Variants in ARHGEF26 observed in about 807,000 individuals in gnomAD.
ARHGEF26 encodes Rho guanine nucleotide exchange factor 26, also known as Rho guanine nucleotide exchange factor (GEF) 26.
A neutral mutation model predicts 89.4 loss-of-function variants in ARHGEF26; 59 were observed. The ratio of observed to expected loss-of-function variants is 0.66; its 90% CI spans 0.54 to 0.82. The LOEUF is 0.82. Ranked by LOEUF, ARHGEF26 falls within the 40% of genes least tolerant of loss-of-function variation. The pLI is 0.00. For missense variants in ARHGEF26, 1,234 were observed against 1,085.6 expected (o/e 1.14, Z -1.92); for synonymous variants, 500 against 428.4 (o/e 1.17, Z -2.06).
chr3:154,226,018 T>A lies in ARHGEF26; in HGVS notation c.2090+8T>A. The A allele has an allele frequency of 6.2e-7, 1 of 1,606,450 alleles. No individual in the cohort carries two copies. Reference sequence around the variant, plus strand: ...TATCACCAAGAAGAAGAGGTAAGTCTTTATCTGGTGTTGCTGACTAGACAT... The same window carrying A: ...TATCACCAAGAAGAAGAGGTAAGTCATTATCTGGTGTTGCTGACTAGACAT... On this transcript the variant is annotated splice_region_variant and intron_variant, in intron 11 of 14. Coordinates refer to ENST00000465093, the MANE Select transcript of ARHGEF26 (RefSeq NM_015595.4).
chr3:154,193,058 C>G (rs1185429514), intron 8 of ARHGEF26, among the ~76,000 whole-genome samples: 2 of 151,920 alleles, frequency 1.3e-5, no homozygotes, highest in Non-Finnish European at 2.9e-5. Flanking sequence ...CACAGACCCC[C>G]CCTTGAGATT....
At chr3:154,242,926 G>A (rs1717562491) in intron 12 of ARHGEF26, among the ~76,000 whole-genome samples, 1 of 152,122 alleles carries the variant, frequency 6.6e-6, no homozygotes, top group African/African-American at 2.4e-5. Context: ...AAGCGCTGAT[G>A]GCATTCCAAG....
intron 6 of ARHGEF26, among the ~76,000 whole-genome samples, chr3:154,154,057 C>T (rs1271811093): frequency 1.3e-5 from 2 of 151,978 alleles, no homozygotes; most frequent in African/African-American, 2.4e-5. Flanking sequence ...TCTAATTTAT[C>T]GTTCTTTATT....
chr3:154,129,633 G>C lies in ARHGEF26; in HGVS notation c.1183G>C (p.Glu395Gln), dbSNP rs1718555630. The C allele has an allele frequency of 6.2e-7, 1 of 1,611,790 alleles. No individual in the cohort carries two copies. The highest frequency in any genetic ancestry group is 8.5e-7 in the Non-Finnish European group (1 of 1,178,872). Residue 395 changes from glutamate to glutamine, a missense_variant, in exon 4 of 15, where the codon GAG (glutamate) becomes CAG (glutamine). By Grantham distance (29) the Glu-to-Gln change is conservative (BLOSUM62 2). Transcript: ENST00000465093. ...EKALDIDSDEESEPKEQKSDE... is the reference protein window; with the variant it reads ...EKALDIDSDEQSEPKEQKSDE... ...GGCCCTTGACATTGATTCTGATGAA[G>C]AGTCAGAGCCCAAAGAACAGAAGTC...
At chr3:154,127,498 G>T (rs1046588955) in intron 3 of ARHGEF26, among the ~76,000 whole-genome samples, 1 of 148,310 alleles carries the variant, frequency 6.7e-6, no homozygotes, top group Admixed American at 6.8e-5. Flanking sequence ...CCCACAAGAA[G>T]GTCTTCAGGG....
intron 12 of ARHGEF26, among the ~76,000 whole-genome samples, chr3:154,246,512 T>A (rs1376646169): frequency 2.0e-5 from 3 of 152,194 alleles, no homozygotes; most frequent in Non-Finnish European, 4.4e-5. Flanking sequence ...ATTAATTTAT[T>A]TTTACTGTAT....
At chr3:154,208,838 T>C (rs1715190514) in intron 9 of ARHGEF26, among the ~76,000 whole-genome samples, 1 of 149,180 alleles carries the variant, frequency 6.7e-6, no homozygotes, top group South Asian at 2.1e-4. Flanking sequence ...CAATCTTGGC[T>C]CACTGCAACC....
At chr3:154,142,097 CAGTGA>C (rs1328075502) in intron 4 of ARHGEF26, among the ~76,000 whole-genome samples, 9 of 152,000 alleles carry the variant, frequency 5.9e-5, no homozygotes, top group Non-Finnish European at 1.2e-4. Context: ...TCACAGAAAG[CAGTGA>C]AGTGAAGATG....
At chr3:154,194,559 G>A in intron 8 of ARHGEF26, 85 bp from the exon 9 acceptor site, 2 of 944,682 alleles carry the variant, frequency 2.1e-6, no homozygotes, top group South Asian at 2.9e-5. Flanking sequence ...TGTTTGCTAT[G>A]AGTAAAAGGA....
At chr3:154,186,551 A>G (rs1199676771) in intron 6 of ARHGEF26, among the ~76,000 whole-genome samples, 1 of 152,198 alleles carries the variant, frequency 6.6e-6, no homozygotes, top group East Asian at 1.9e-4. Flanking sequence ...AGTTGAGGTC[A>G]GGAGTTAGAG....
At chr3:154,221,304 T>G (rs1378838487) in intron 10 of ARHGEF26, among the ~76,000 whole-genome samples, 4 of 152,200 alleles carry the variant, frequency 2.6e-5, no homozygotes, top group Non-Finnish European at 5.9e-5. Context: ...CCTTTTAGAT[T>G]TATAAATAAT....
chr3:154,223,408 A>T (rs934710488), intron 10 of ARHGEF26, among the ~76,000 whole-genome samples: 4 of 152,258 alleles, frequency 2.6e-5, no homozygotes, highest in Non-Finnish European at 5.9e-5. Flanking sequence ...ACAAATCTTC[A>T]TGGCAGCATT....
chr3:154,149,499 C>A, intron 5 of ARHGEF26, 54 bp downstream of exon 5: 1 of 1,488,678 alleles, frequency 6.7e-7, no homozygotes, highest in South Asian at 1.3e-5. Context: ...ATGTCGGTGT[C>A]TGCTTTTTTG....
chr3:154,149,185 A>G (rs751263247), intron 4 of ARHGEF26, among the ~76,000 whole-genome samples: 1 of 152,122 alleles, frequency 6.6e-6, no homozygotes, highest in Non-Finnish European at 1.5e-5. Flanking sequence ...AAGAGTATAA[A>G]ATGCTTAGTA....
intron 2 of ARHGEF26, among the ~76,000 whole-genome samples, chr3:154,123,581 A>G (rs931517894): frequency 4.6e-5 from 7 of 152,226 alleles, no homozygotes; most frequent in Non-Finnish European, 8.8e-5. Context: ...ACTTGATGTC[A>G]TTCAGGTAGA....
chr3:154,141,307 T>TG (rs1719368151), intron 4 of ARHGEF26, among the ~76,000 whole-genome samples: 3 of 152,268 alleles, frequency 2.0e-5, no homozygotes, highest in Admixed American at 2.0e-4. Flanking sequence ...AATGCCAAAG[T>TG]GAGTTACACA....
Position 154,255,910 on chromosome 3 carries a change from TA to T in ARHGEF26, c.*440del. 1.0e-6 allele frequency: 1 copy of T among 988,902 alleles called. No individual in the cohort carries two copies. The highest frequency in any genetic ancestry group is 1.2e-6 in the Non-Finnish European group (1 of 832,168). 61.3% of individuals were successfully genotyped at this position (988,902 alleles called of 1,614,324 possible). ...TATCTGTAAAGAATGTCCAGTTTTGTAAATATTTCCCTGCCTTTTTTTTTCT... is the reference window on the plus strand; with the variant it reads ...TATCTGTAAAGAATGTCCAGTTTTGTAATATTTCCCTGCCTTTTTTTTTCT... On this transcript the variant is annotated 3_prime_UTR_variant, in exon 15 of 15. Coordinates refer to ENST00000465093, the MANE Select transcript of ARHGEF26 (RefSeq NM_015595.4).
intron 2 of ARHGEF26, 121 bp downstream of exon 2, chr3:154,123,196 C>G: frequency 7.1e-7 from 1 of 1,400,734 alleles, no homozygotes; most frequent in Non-Finnish European, 9.6e-7. Flanking sequence ...CTGTGTTTTG[C>G]TCTTGATTGC....
chr3:154,174,169 G>T (rs910843790), intron 6 of ARHGEF26, among the ~76,000 whole-genome samples: 2 of 152,140 alleles, frequency 1.3e-5, no homozygotes, highest in Admixed American at 1.3e-4. Flanking sequence ...CTGAGTAGTG[G>T]GATCACCATA....
Sources: gnomAD v4.1 joint callset for allele counts (sites outside exome capture counted in the v4.1 genomes callset) on GRCh38, gnomAD v4.1.1 for gene constraint, MANE v1.5 for transcripts, NCBI Gene and HGNC (gene_info 2026-07-23, HGNC 2026-07-21) for gene names.